The following RNASEH2B variants were observed in gnomAD, a reference collection of about 807,000 sequenced individuals.
RNASEH2B encodes ribonuclease H2 subunit B, also known as Aicardi-Goutieres syndrome 2 protein.
A neutral mutation model predicts 45.0 loss-of-function variants in RNASEH2B; 36 were observed. The observed-to-expected ratio is 0.80, with a 90% CI of 0.61 to 1.06. The LOEUF is 1.06. RNASEH2B is among the 50% of genes least tolerant of loss of function. The pLI is 0.00. For missense variants in RNASEH2B, 361 were observed against 360.3 expected (o/e 1.00, Z -0.02); for synonymous variants, 119 against 125.7 (o/e 0.95, Z 0.35).
Position 50,910,081 on chromosome 13 carries a change from C to A in RNASEH2B, c.5C>A (p.Ala2Asp). 1 of 1,464,656 alleles carries A rather than the reference C, an allele frequency of 6.8e-7. No homozygotes were observed. The highest frequency in any genetic ancestry group is 1.5e-5 in the African/African-American group (1 of 67,780). The allele number at this position is 1,464,656 out of a possible 1,614,324, so 90.7% of individuals were successfully genotyped here. Residue 2 changes from alanine (A) to aspartate (D), a missense_variant, in exon 1 of 11, where the codon GCC (alanine) becomes GAC (aspartate). Coordinates refer to ENST00000336617, the MANE Select transcript of RNASEH2B (RefSeq NM_024570.4). ...GCCCCGGAAGAGGCGGGCGGCATGG[C>A]CGCTGGCGTGGACTGCGGGGACGGG... Reference protein sequence around the residue: MAAGVDCGDGVG... With the variant: MDAGVDCGDGVG...
intron 9 of RNASEH2B, among the ~76,000 whole-genome samples, chr13:50,965,128 G>T (rs1042224994): frequency 1.3e-5 from 2 of 152,184 alleles, no homozygotes; most frequent in Non-Finnish European, 2.9e-5. Context: ...CTATCACCTA[G>T]TGAGTTGTAG....
intron 4 of RNASEH2B, among the ~76,000 whole-genome samples, chr13:50,931,116 T>C (rs1438261055): frequency 6.6e-6 from 1 of 152,200 alleles, no homozygotes; most frequent in Non-Finnish European, 1.5e-5. Flanking sequence ...ATTGACCACA[T>C]GTCTTAAAGA....
chr13:50,909,821 C>CCCTT lies in RNASEH2B; in HGVS notation c.-254_-253insTTCC. ...CGGAGCCGCGAGGGAGAGGCCGCGG[C>CCCTT]CCCTTCCCGTTGCCTGCGGCCACCG... On this transcript the variant is annotated 5_prime_UTR_variant, in exon 1 of 11. Coordinates refer to ENST00000336617, the MANE Select transcript of RNASEH2B (RefSeq NM_024570.4). The CCCTT allele has an allele frequency of 2.5e-6, 1 of 398,864 alleles. No individual in the cohort carries two copies. 24.7% of individuals were successfully genotyped at this position (398,864 alleles called of 1,614,324 possible).
chr13:50,957,600 C>T (rs1379818613), downstream of RNASEH2B, among the ~76,000 whole-genome samples: 1 of 152,062 alleles, frequency 6.6e-6, no homozygotes, highest in African/African-American at 2.4e-5. Context: ...AATTTATTTT[C>T]CTTTGAGTAC....
chr13:50,920,534 G>A (rs1276564868), intron 1 of RNASEH2B, among the ~76,000 whole-genome samples: 2 of 152,176 alleles, frequency 1.3e-5, no homozygotes, highest in African/African-American at 4.8e-5. Context: ...AACCTAAAAT[G>A]GCCAGCAAGA....
chr13:50,930,782 C>A (rs1481980564), intron 4 of RNASEH2B, 23 bp downstream of exon 4: 3 of 1,550,320 alleles, frequency 1.9e-6, no homozygotes, highest in Non-Finnish European at 2.7e-6. Context: ...CTCGGAGCAT[C>A]CACAGTGAGG....
chr13:50,916,797 T>G (rs2137890702), intron 1 of RNASEH2B, among the ~76,000 whole-genome samples: 1 of 152,292 alleles, frequency 6.6e-6, no homozygotes, highest in South Asian at 2.1e-4. Context: ...GCACCTGGGT[T>G]GTGTGTTACA....
At chr13:50,916,505 C>G (rs1242275363) in intron 1 of RNASEH2B, among the ~76,000 whole-genome samples, 1 of 152,090 alleles carries the variant, frequency 6.6e-6, no homozygotes, top group African/African-American at 2.4e-5. Flanking sequence ...TTGCTTCAGA[C>G]AGTAGACAGT....
intron 9 of RNASEH2B, among the ~76,000 whole-genome samples, chr13:50,968,500 A>G (rs1259143519): frequency 6.6e-6 from 1 of 152,218 alleles, no homozygotes; most frequent in African/African-American, 2.4e-5. Context: ...GTGTGAGGTC[A>G]TACAGACAGT....
At chr13:50,913,196 C>A (rs1234776115) in intron 1 of RNASEH2B, 1 of 152,150 alleles carries the variant, frequency 6.6e-6, no homozygotes, top group Non-Finnish European at 1.5e-5. Flanking sequence ...GGAATACTAG[C>A]CTGTTTGCAG....
At chr13:50,960,141 C>A, downstream of RNASEH2B, 1 of 1,139,354 alleles carries the variant, frequency 8.8e-7, no homozygotes, top group Non-Finnish European at 1.1e-6. Context: ...CTGTTTTTTT[C>A]CAGCTAGGTC....
chr13:50,916,520 A>G (rs1293497102), intron 1 of RNASEH2B, among the ~76,000 whole-genome samples: 1 of 152,238 alleles, frequency 6.6e-6, no homozygotes, highest in Non-Finnish European at 1.5e-5. Context: ...GACAGTACAT[A>G]TTTGGAATGG....
chr13:50,960,124 A>G (rs1013050819), downstream of RNASEH2B: 1 of 1,108,586 alleles, frequency 9.0e-7, no homozygotes, highest in Non-Finnish European at 1.1e-6. Context: ...ATTGCTATTA[A>G]TGAAATCTGT....
Position 50,956,712 on chromosome 13 carries a change from G to T in RNASEH2B, c.*238G>T. On this transcript the variant is annotated 3_prime_UTR_variant, in exon 11 of 11. Transcript: ENST00000336617. ...ATAATGAAAAGTAATCACTTGAAGA[G>T]AATTAACATATAGCATCATGATTTT... 1.0e-5 allele frequency: 13 copies of T among 1,244,984 alleles called. No homozygotes were observed. Among genetic ancestry groups the T allele is most frequent in the African/African-American group, 1.5e-5 (1 of 64,982 alleles). The allele number at this position is 1,244,984 out of a possible 1,614,324, so 77.1% of individuals were successfully genotyped here.
chr13:50,945,009 C>T (rs1000535035), intron 6 of RNASEH2B, among the ~76,000 whole-genome samples: 2 of 152,114 alleles, frequency 1.3e-5, no homozygotes, highest in Admixed American at 6.5e-5. Flanking sequence ...ATTGTAAGGG[C>T]TTTATTTACA....
chr13:50,929,735 G>A (rs1566080253), intron 3 of RNASEH2B, among the ~76,000 whole-genome samples, 153 bp downstream of exon 3: 1 of 152,094 alleles, frequency 6.6e-6, no homozygotes, highest in Non-Finnish European at 1.5e-5. Flanking sequence ...CAAGGAGAAA[G>A]GAAAGATCAT....
chr13:50,949,337 G>A, intron 8 of RNASEH2B, 126 bp from the exon 9 acceptor site: 3 of 775,828 alleles, frequency 3.9e-6, no homozygotes, highest in Non-Finnish European at 6.8e-6. Flanking sequence ...GATTGAACAG[G>A]AAGATATATG....
At chr13:50,940,025 A>G (rs1217313678) in intron 5 of RNASEH2B, among the ~76,000 whole-genome samples, 1 of 152,242 alleles carries the variant, frequency 6.6e-6, no homozygotes, top group Admixed American at 6.5e-5. Flanking sequence ...GCTTAAAATG[A>G]TATAGCCACT....
chr13:50,958,520 A>G (rs1012052498), downstream of RNASEH2B, among the ~76,000 whole-genome samples: 6 of 152,120 alleles, frequency 3.9e-5, no homozygotes, highest in Non-Finnish European at 7.3e-5. Context: ...GCAGTTGGGT[A>G]ATGTGATACC....
Sources: gnomAD v4.1 joint callset for allele counts (sites outside exome capture counted in the v4.1 genomes callset) on GRCh38, gnomAD v4.1.1 for gene constraint, MANE v1.5 for transcripts, NCBI Gene and HGNC (gene_info 2026-07-23, HGNC 2026-07-21) for gene names.